Variants in PPA2 observed in about 807,000 individuals in gnomAD.
PPA2 encodes inorganic pyrophosphatase 2.
PPA2 carries 48 observed loss-of-function variants against 49.5 expected under a neutral mutation model. The observed-to-expected ratio is 0.97, with a 90% confidence interval of 0.77 to 1.23. PPA2 has a LOEUF of 1.23. Among genes scored for constraint, PPA2 ranks in the 50% most tolerant of loss-of-function variants. The pLI is 0.00. For missense variants in PPA2, 429 were observed against 410.1 expected (o/e 1.05, Z -0.40); for synonymous variants, 131 against 139.9 (o/e 0.94, Z 0.45).
rs539469492 is a variant in PPA2 at position 105,414,861 on chromosome 4, G to A, written c.655+9335C>T. The stretch of plus-strand genomic sequence containing the variant: ...ACCTGGGCAAATGGAGGGTGAGCAA[G>A]GCAAGGTGATTTACTGACAGTACAG... On this transcript the variant is annotated intron_variant, in intron 7 of 11. Transcript: ENST00000341695. Among the ~76,000 whole-genome samples, 9 of 152,276 alleles carry A rather than the reference G, an allele frequency of 5.9e-5. No individual in the cohort carries two copies. In the South Asian group the frequency reaches 1.9e-3, roughly 32 times the overall value.
chr4:105,435,285 T>C (rs2110286138), intron 6 of PPA2, among the ~76,000 whole-genome samples: 1 of 152,324 alleles, frequency 6.6e-6, no homozygotes, highest in East Asian at 1.9e-4. Flanking sequence ...AAGTATTATT[T>C]CAGGTCTTAT....
intron 1 of PPA2, 111 bp downstream of exon 1, chr4:105,473,782 GC>G: frequency 1.4e-6 from 2 of 1,448,538 alleles, no homozygotes; most frequent in Non-Finnish European, 1.9e-6. Flanking sequence ...ACCGCTGAGG[GC>G]CCCAAAAAGA....
At chr4:105,388,128 T>C (rs1733757695) in intron 9 of PPA2, among the ~76,000 whole-genome samples, 1 of 152,146 alleles carries the variant, frequency 6.6e-6, no homozygotes, top group South Asian at 2.1e-4. Context: ...ACCAATTACA[T>C]TTGAATTTCA....
intron 6 of PPA2, among the ~76,000 whole-genome samples, chr4:105,427,627 A>C (rs1170778066): frequency 6.6e-6 from 1 of 152,176 alleles, no homozygotes; most frequent in African/African-American, 2.4e-5. Context: ...TAATGAAATA[A>C]AGCGAGAAGA....
intron 7 of PPA2, 81 bp downstream of exon 7, chr4:105,424,115 C>T: frequency 7.1e-7 from 1 of 1,407,556 alleles, no homozygotes; most frequent in Non-Finnish European, 9.7e-7. Context: ...ATTTAACTCC[C>T]CTATGTGAAC....
intron 10 of PPA2, among the ~76,000 whole-genome samples, chr4:105,375,532 T>G (rs1560602226): frequency 6.6e-6 from 1 of 152,118 alleles, no homozygotes; most frequent in African/African-American, 2.4e-5. Flanking sequence ...TAAAAGAAAA[T>G]GCAGTCCTCT....
At chr4:105,386,842 G>C (rs1163209523) in intron 9 of PPA2, among the ~76,000 whole-genome samples, 2 of 152,044 alleles carry the variant, frequency 1.3e-5, no homozygotes, top group Admixed American at 1.3e-4. Context: ...CCACAGCAAA[G>C]CACTCTCCAG....
intron 7 of PPA2, among the ~76,000 whole-genome samples, chr4:105,407,644 T>C (rs1334708741): frequency 6.6e-6 from 1 of 152,176 alleles, no homozygotes; most frequent in Non-Finnish European, 1.5e-5. Flanking sequence ...TGGAAGACCG[T>C]TCAATAATAA....
intron 5 of PPA2, 110 bp downstream of exon 5, chr4:105,446,273 T>G (rs1722381781): frequency 1.7e-6 from 2 of 1,178,682 alleles, no homozygotes; most frequent in Non-Finnish European, 2.3e-6. Flanking sequence ...TTTACAAACC[T>G]CTCCAAATGA....
rs139651138 is a variant in PPA2 at position 105,438,001 on chromosome 4, C to T, written c.477G>A (p.Thr159=). ...TAGGATCATTATCTCCAAAGCAGTT[C>T]GTGCTCTTATCTTTTTCATGGGGAT... ...WEDPHEKDKS[T]NCFGDNDPID... Residue 159 remains threonine (T), a synonymous_variant, in exon 6 of 12, where the codon ACG becomes ACA. Transcript: ENST00000341695. 31,030 of 1,607,366 alleles carry T rather than the reference C, an allele frequency of 0.019. 421 individuals are homozygous for T. The highest frequency in any genetic ancestry group is 0.024 in the Non-Finnish European group (28,458 of 1,178,042).
intron 7 of PPA2, among the ~76,000 whole-genome samples, chr4:105,403,326 T>G (rs982957930): frequency 2.6e-5 from 4 of 152,120 alleles, no homozygotes; most frequent in Non-Finnish European, 5.9e-5. Context: ...ATTACAAGTG[T>G]GAGCCACCAT....
intron 1 of PPA2, among the ~76,000 whole-genome samples, chr4:105,470,407 G>A (rs1314217565): frequency 1.3e-5 from 2 of 152,210 alleles, no homozygotes; most frequent in African/African-American, 4.8e-5. Flanking sequence ...GATCGCTTGA[G>A]CTGGGGAAGT....
chr4:105,406,114 C>CAAAAAAA (rs35468715), intron 7 of PPA2, among the ~76,000 whole-genome samples: 1 of 97,590 alleles, frequency 1.0e-5, no homozygotes, highest in Non-Finnish European at 2.1e-5. Flanking sequence ...TATAAAACTT[C>CAAAAAAA]AAAAAAAAAA....
In PPA2 at chr4:105,380,400, C is replaced by T. The variant is rs116029743; in HGVS notation, c.939+6167G>A. Among the ~76,000 whole-genome samples, 964 of 152,220 alleles carry T rather than the reference C, an allele frequency of 6.3e-3. 10 individuals are homozygous for T. The highest frequency in any genetic ancestry group is 0.021 in the African/African-American group (872 of 41,538). ...TTCTTTTCTTTCCTGATCATTCTGC[C>T]TAAAGGCTTACCAGTTTTACCATCT... On this transcript the variant is annotated intron_variant, in intron 10 of 11. Coordinates refer to ENST00000341695, the MANE Select transcript of PPA2 (RefSeq NM_176869.3).
At chr4:105,382,614 T>C (rs1208737021) in intron 10 of PPA2, among the ~76,000 whole-genome samples, 1 of 152,190 alleles carries the variant, frequency 6.6e-6, no homozygotes, top group Non-Finnish European at 1.5e-5. Context: ...GATCCAACTG[T>C]TAGTCACAAA....
At chr4:105,386,269 C>T (rs1184615192) in intron 10 of PPA2, among the ~76,000 whole-genome samples, 1 of 152,000 alleles carries the variant, frequency 6.6e-6, no homozygotes, top group Non-Finnish European at 1.5e-5. Context: ...TACAACAGTA[C>T]AGAGGAGAGC....
At chr4:105,379,132 T>G (rs890490267) in intron 10 of PPA2, among the ~76,000 whole-genome samples, 78 of 148,556 alleles carry the variant, frequency 5.3e-4, no homozygotes, top group African/African-American at 1.9e-3. Flanking sequence ...GTTGAAGGCA[T>G]GAACATTATG....
chr4:105,381,902 G>A (rs2110369215), intron 10 of PPA2, among the ~76,000 whole-genome samples: 1 of 151,926 alleles, frequency 6.6e-6, no homozygotes, highest in Admixed American at 6.5e-5. Flanking sequence ...AATATAAAAA[G>A]TCAGAAAAAC....
At chr4:105,382,252 G>C (rs1413403940) in intron 10 of PPA2, among the ~76,000 whole-genome samples, 1 of 151,792 alleles carries the variant, frequency 6.6e-6, no homozygotes, top group African/African-American at 2.4e-5. Flanking sequence ...AGAGAATGTG[G>C]TCTGCATGAC....
Sources: allele counts gnomAD v4.1 joint callset (sites outside exome capture counted in the v4.1 genomes callset), GRCh38; gene constraint gnomAD v4.1.1; transcripts MANE v1.5; gene names NCBI Gene and HGNC (gene_info 2026-07-23, HGNC 2026-07-21).